EFL1: variants seen among roughly 807,000 people sequenced by gnomAD.
EFL1 encodes the protein elongation factor-like GTPase 1.
Under a neutral mutation model 126.7 loss-of-function variants are expected in EFL1, and 76 were observed. The observed-to-expected ratio is 0.60, with a 90% CI of 0.50 to 0.73. The LOEUF is 0.73. Ranked by LOEUF, EFL1 falls within the 30% of genes least tolerant of loss-of-function variation. The probability of loss-of-function intolerance (pLI) is 0.00; values close to 1 mark genes in which losing one functional copy is unlikely to be tolerated. For synonymous variants in EFL1, 410 were observed against 448.4 expected (o/e 0.91, Z 1.08); for missense variants, 1,128 against 1,343.2 (o/e 0.84, Z 2.50).
intron 15 of EFL1, among the ~76,000 whole-genome samples, chr15:82,185,347 ATG>A (rs201275272): frequency 0.01 from 1,590 of 152,280 alleles, 30 homozygotes; most frequent in African/African-American, 0.036. Context: ...AGTGACACAT[ATG>A]TGTGACTATT....
chr15:82,219,887 A>G (rs933844864), intron 13 of EFL1, 69 bp from the exon 14 acceptor site: 13 of 1,534,386 alleles, frequency 8.5e-6, no homozygotes, highest in African/African-American at 5.6e-5. Context: ...TGAAATATAG[A>G]AGGAGGAGTG....
At chr15:82,196,128 C>A (rs534131720) in intron 15 of EFL1, among the ~76,000 whole-genome samples, 132 of 152,270 alleles carry the variant, frequency 8.7e-4, no homozygotes, top group African/African-American at 3.1e-3. Flanking sequence ...ATAGGGAGGT[C>A]AGAAGAAGCA....
chr15:82,234,369 T>C (rs2074851687), intron 7 of EFL1, among the ~76,000 whole-genome samples: 1 of 152,180 alleles, frequency 6.6e-6, no homozygotes, highest in African/African-American at 2.4e-5. Flanking sequence ...ATAAGTAAAC[T>C]GAGGCCTAGA....
intron 16 of EFL1, among the ~76,000 whole-genome samples, chr15:82,162,923 G>A (rs2074038543): frequency 6.6e-6 from 1 of 152,224 alleles, no homozygotes. Context: ...GCATGGTCTG[G>A]AGATTCTTCA....
chr15:82,159,693 C>T (rs916295486), intron 16 of EFL1, among the ~76,000 whole-genome samples: 3 of 152,020 alleles, frequency 2.0e-5, no homozygotes, highest in African/African-American at 4.8e-5. Context: ...ATTAACAAAC[C>T]TTCTAATTAG....
intron 1 of EFL1, 163 bp from the exon 2 acceptor site, chr15:82,261,960 T>C: frequency 3.5e-6 from 2 of 564,146 alleles, no homozygotes; most frequent in East Asian, 2.9e-5. Context: ...CTAAGTCCAG[T>C]TCGAGCACTA....
chr15:82,247,833 A>G (rs8028284), intron 4 of EFL1, among the ~76,000 whole-genome samples: 28,535 of 152,040 alleles, frequency 0.19, 3,232 homozygotes, highest in African/African-American at 0.32. Flanking sequence ...GAGAGGCCAG[A>G]TCATGTGGCT....
At chr15:82,199,372 G>A (rs2074443574) in intron 15 of EFL1, among the ~76,000 whole-genome samples, 1 of 152,214 alleles carries the variant, frequency 6.6e-6, no homozygotes, top group African/African-American at 2.4e-5. Flanking sequence ...CCGAGAGTAA[G>A]AAGGCCAAGG....
chr15:82,170,409 C>T (rs936686320), intron 15 of EFL1, among the ~76,000 whole-genome samples: 1 of 152,066 alleles, frequency 6.6e-6, no homozygotes, highest in African/African-American at 2.4e-5. Flanking sequence ...CCACCGCGCC[C>T]GGCCCCACTG....
chr15:82,216,616 T>C (rs1040152343), intron 14 of EFL1, among the ~76,000 whole-genome samples: 1 of 152,188 alleles, frequency 6.6e-6, no homozygotes, highest in Non-Finnish European at 1.5e-5. Flanking sequence ...AAAGATGGAC[T>C]ATTCAATAAT....
chr15:82,249,010 A>G (rs956872657), intron 4 of EFL1, among the ~76,000 whole-genome samples: 1 of 152,068 alleles, frequency 6.6e-6, no homozygotes, highest in African/African-American at 2.4e-5. Context: ...GTTACCTCAC[A>G]GTGTGTGCAT....
chr15:82,209,316 G>GAC (rs57128885), intron 15 of EFL1, among the ~76,000 whole-genome samples: 30,265 of 146,030 alleles, frequency 0.21, 3,555 homozygotes, highest in South Asian at 0.3. Flanking sequence ...CACAGACACA[G>GAC]ACACACACAC....
At chr15:82,228,895 C>G in intron 9 of EFL1, 139 bp downstream of exon 9, 1 of 689,888 alleles carries the variant, frequency 1.4e-6, no homozygotes, top group Non-Finnish European at 2.4e-6. Flanking sequence ...GCTTCCAAGC[C>G]CTGTAATCAA....
intron 3 of EFL1, among the ~76,000 whole-genome samples, chr15:82,256,949 T>C (rs2141343758): frequency 6.6e-6 from 1 of 152,334 alleles, no homozygotes; most frequent in East Asian, 1.9e-4. Flanking sequence ...AACAGACTTT[T>C]GGTATCAAAG....
At chr15:82,131,378 A>T (rs751938973) in intron 19 of EFL1, among the ~76,000 whole-genome samples, 15 of 152,068 alleles carry the variant, frequency 9.9e-5, no homozygotes, top group Non-Finnish European at 1.9e-4. Flanking sequence ...TGTAGCCTCA[A>T]TCTCCTGGGC....
chr15:82,211,592 C>CA (rs1567064834), intron 15 of EFL1, among the ~76,000 whole-genome samples: 5 of 60,104 alleles, frequency 8.3e-5, no homozygotes, highest in African/African-American at 6.0e-4. Flanking sequence ...TAGACACATA[C>CA]TAGACACACA....
chr15:82,234,478 T>A (rs1329343993), intron 7 of EFL1, among the ~76,000 whole-genome samples: 1 of 152,168 alleles, frequency 6.6e-6, no homozygotes, highest in Non-Finnish European at 1.5e-5. Context: ...CTTCAATTTA[T>A]TTAGCTCTAG....
chr15:82,186,299 AG>A (rs1486505769), intron 15 of EFL1, among the ~76,000 whole-genome samples: 1 of 152,222 alleles, frequency 6.6e-6, no homozygotes, highest in African/African-American at 2.4e-5. Flanking sequence ...ATAATATGCA[AG>A]GGGTAAGGTC....
chr15:82,216,375 T>C (rs2074646626), intron 14 of EFL1, among the ~76,000 whole-genome samples: 1 of 152,178 alleles, frequency 6.6e-6, no homozygotes, highest in African/African-American at 2.4e-5. Context: ...GCTGACAAGC[T>C]GACCATAAAC....
Sources: gnomAD v4.1 joint callset for allele counts (sites outside exome capture counted in the v4.1 genomes callset) on GRCh38, gnomAD v4.1.1 for gene constraint, MANE v1.5 for transcripts, NCBI Gene and HGNC (gene_info 2026-07-23, HGNC 2026-07-21) for gene names.